Variants in MACROH2A1 observed in about 807,000 individuals in gnomAD.
MACROH2A1 encodes the protein macroH2A.1 histone.
In MACROH2A1, 2 loss-of-function variants were observed where a neutral mutation model predicts 31.6. The ratio of observed to expected loss-of-function variants is 0.06; its 90% CI spans 0.03 to 0.20. The LOEUF (loss-of-function observed/expected upper bound fraction) is 0.20, where lower values mean the gene tolerates loss of function less well. Among genes scored for constraint, MACROH2A1 ranks in the 10% least tolerant of loss-of-function variants. The pLI is 1.00. For synonymous variants in MACROH2A1, 169 were observed against 189.6 expected (o/e 0.89, Z 0.89); for missense variants, 230 against 474.0 (o/e 0.49, Z 4.78).
Position 135,389,111 on chromosome 5 carries a change from C to A in MACROH2A1, c.-18G>T, listed in dbSNP as rs370779480. ...CTCGACATGGCGGTGGCCCTGGAGG[C>A]GGATCAGTGAGCACACTGTGAAGGC... On this transcript the variant is annotated 5_prime_UTR_variant, in exon 2 of 9. Coordinates refer to ENST00000511689, the MANE Select transcript of MACROH2A1 (RefSeq NM_138610.3). The A allele has an allele frequency of 1.2e-6, 2 of 1,608,710 alleles. No individual in the cohort carries two copies. Among genetic ancestry groups the A allele is most frequent in the East Asian group, 2.2e-5 (1 of 44,792 alleles).
At chr5:135,375,247 T>C (rs2149875794) in intron 2 of MACROH2A1, among the ~76,000 whole-genome samples, 1 of 152,260 alleles carries the variant, frequency 6.6e-6, no homozygotes, top group Non-Finnish European at 1.5e-5. Flanking sequence ...CCATATTCCC[T>C]CTCCTCAGAG....
chr5:135,359,201 G>C, intron 5 of MACROH2A1: 1 of 985,420 alleles, frequency 1.0e-6, no homozygotes, highest in Non-Finnish European at 1.2e-6. Flanking sequence ...GAGTGCCTAA[G>C]GGCAGAGTGG....
At chr5:135,354,475 C>CA (rs984134764) in intron 5 of MACROH2A1, 2 of 152,596 alleles carry the variant, frequency 1.3e-5, no homozygotes, top group African/African-American at 2.4e-5. Flanking sequence ...GTTAAAGACT[C>CA]AGAGAAGAGG....
At chr5:135,338,088 G>C in intron 8 of MACROH2A1, 1 of 845,016 alleles carries the variant, frequency 1.2e-6, no homozygotes, top group Non-Finnish European at 1.5e-6. Context: ...TAGCAAAATG[G>C]AATGTGTAGG....
chr5:135,375,814 T>A (rs1206352597), intron 2 of MACROH2A1, among the ~76,000 whole-genome samples: 1 of 152,254 alleles, frequency 6.6e-6, no homozygotes, highest in African/African-American at 2.4e-5. Context: ...ATTGTATTTC[T>A]TTCGATTCAT....
At chr5:135,370,868 C>T (rs935811155) in intron 2 of MACROH2A1, among the ~76,000 whole-genome samples, 2 of 152,110 alleles carry the variant, frequency 1.3e-5, no homozygotes, top group African/African-American at 4.8e-5. Flanking sequence ...ATCAGACACA[C>T]GGGATTATTT....
chr5:135,376,349 T>C (rs1764865308), intron 2 of MACROH2A1, among the ~76,000 whole-genome samples: 1 of 152,204 alleles, frequency 6.6e-6, no homozygotes, highest in African/African-American at 2.4e-5. Context: ...AATTTGGGAA[T>C]CTGTAAAGTA....
intron 4 of MACROH2A1, chr5:135,362,810 T>C (rs1008261951): frequency 2.0e-5 from 3 of 152,240 alleles, no homozygotes; most frequent in Non-Finnish European, 4.4e-5. Flanking sequence ...TTTTTCAAAA[T>C]TGAAATTTAT....
chr5:135,388,670 C>T (rs1212269053), intron 2 of MACROH2A1, among the ~76,000 whole-genome samples: 1 of 151,994 alleles, frequency 6.6e-6, no homozygotes, highest in Non-Finnish European at 1.5e-5. Flanking sequence ...GACTATGTAA[C>T]AGCCAAAAAT....
In MACROH2A1 at chr5:135,369,322, G is replaced by C. The variant is rs1186019214; in HGVS notation, c.477+84C>G. 1.8e-6 allele frequency: 2 copies of C among 1,091,908 alleles called. No homozygotes were observed. The highest frequency in any genetic ancestry group is 3.5e-5 in the Admixed American group (2 of 57,462). The allele number at this position is 1,091,908 out of a possible 1,614,324, so 67.6% of individuals were successfully genotyped here. ...TCCCATCAGTGGGATGAGCCCACAG[G>C]GGGAATGAGGGGGGTGCCCTGGTAA... On this transcript the variant is annotated intron_variant, in intron 4 of 8. Transcript: ENST00000511689. The surrounding 1 kb of genome is among the most constrained non-coding windows in gnomAD (Gnocchi z 4.3).
intron 1 of MACROH2A1, 33 bp from the exon 2 acceptor site, chr5:135,389,159 G>T: frequency 6.6e-7 from 1 of 1,508,524 alleles, no homozygotes. Flanking sequence ...GGTCAGGGTG[G>T]CTGGGGACAG....
chr5:135,390,088 CA>C (rs1767003492), intron 1 of MACROH2A1, among the ~76,000 whole-genome samples: 1 of 152,248 alleles, frequency 6.6e-6, no homozygotes, highest in African/African-American at 2.4e-5. Flanking sequence ...TCTAAACTAG[CA>C]AACAGGGAGC....
chr5:135,355,070 G>T (rs1221817516), intron 5 of MACROH2A1: 1 of 456,038 alleles, frequency 2.2e-6, no homozygotes. Context: ...GTTATATTCA[G>T]AAATGTTTCA....
chr5:135,378,793 G>A (rs537639633), intron 2 of MACROH2A1, among the ~76,000 whole-genome samples: 276 of 152,260 alleles, frequency 1.8e-3, no homozygotes, highest in Non-Finnish European at 3.2e-3. Flanking sequence ...TTCAACATAC[G>A]GCAGATGTTT....
intron 2 of MACROH2A1, among the ~76,000 whole-genome samples, chr5:135,377,781 C>T (rs1765092573): frequency 6.6e-6 from 1 of 152,232 alleles, no homozygotes. Flanking sequence ...GCTGCCCCAG[C>T]TGGCCTTTGG....
intron 2 of MACROH2A1, among the ~76,000 whole-genome samples, chr5:135,372,366 T>A (rs1304033711): frequency 6.6e-6 from 1 of 152,212 alleles, no homozygotes. Flanking sequence ...GGGCTCACAT[T>A]TCCCACTTTC....
intron 8 of MACROH2A1, among the ~76,000 whole-genome samples, chr5:135,340,134 G>GAGGC (rs745523508): frequency 1.3e-5 from 2 of 152,158 alleles, no homozygotes; most frequent in Non-Finnish European, 2.9e-5. Context: ...ATGGAGATGG[G>GAGGC]AGGCAGGGGT....
intron 2 of MACROH2A1, among the ~76,000 whole-genome samples, chr5:135,371,926 C>G (rs1764220888): frequency 6.6e-6 from 1 of 152,122 alleles, no homozygotes; most frequent in African/African-American, 2.4e-5. Flanking sequence ...CGGTATGACA[C>G]AGGGCATGCA....
At chr5:135,361,042 C>G in intron 4 of MACROH2A1, 1 of 306,356 alleles carries the variant, frequency 3.3e-6, no homozygotes, top group South Asian at 2.8e-5. Context: ...ACCCTCTAAC[C>G]TTCCTGACTC....
Sources: allele counts gnomAD v4.1 joint callset (sites outside exome capture counted in the v4.1 genomes callset), GRCh38; gene constraint gnomAD v4.1.1; non-coding constraint Gnocchi (gnomAD v3.1); transcripts MANE v1.5; gene names NCBI Gene and HGNC (gene_info 2026-07-23, HGNC 2026-07-21).